Variants in EFCAB6 observed in about 807,000 individuals in gnomAD.
The protein encoded by EFCAB6 is EF-hand calcium binding domain 6, also known as EF-hand calcium-binding domain-containing protein 6.
EFCAB6 carries 156 observed loss-of-function variants against 169.8 expected under a neutral mutation model. The ratio of observed to expected loss-of-function variants is 0.92; its 90% CI spans 0.81 to 1.05. The LOEUF (loss-of-function observed/expected upper bound fraction) is 1.05, where lower values mean the gene tolerates loss of function less well. Among genes scored for constraint, EFCAB6 ranks in the 50% least tolerant of loss-of-function variants. The pLI is 0.00. For synonymous variants in EFCAB6, 698 were observed against 676.4 expected (o/e 1.03, Z -0.50); for missense variants, 1,800 against 1,829.1 (o/e 0.98, Z 0.29).
intron 1 of EFCAB6, among the ~76,000 whole-genome samples, chr22:43,809,443 T>C (rs960130510): frequency 1.3e-5 from 2 of 152,196 alleles, no homozygotes; most frequent in African/African-American, 2.4e-5. Context: ...GCAGGACTTG[T>C]AGAGTATATA....
chr22:43,769,259 G>A (rs1360816750), intron 4 of EFCAB6, among the ~76,000 whole-genome samples: 1 of 152,182 alleles, frequency 6.6e-6, no homozygotes. Context: ...TGACTCCATT[G>A]ATATGAAATA....
At chr22:43,658,237 TATAAA>T (rs538478994) in intron 17 of EFCAB6, among the ~76,000 whole-genome samples, 2 of 151,600 alleles carry the variant, frequency 1.3e-5, no homozygotes, top group Non-Finnish European at 2.9e-5. Flanking sequence ...GTCTCAAAAA[TATAAA>T]ATAAAATAAA....
At chr22:43,591,125 T>G (rs1426488999) in intron 23 of EFCAB6, among the ~76,000 whole-genome samples, 8 of 121,086 alleles carry the variant, frequency 6.6e-5, no homozygotes, top group African/African-American at 2.4e-4. Flanking sequence ...TTTTTTTTTG[T>G]TTTTTTTTTG....
intron 22 of EFCAB6, among the ~76,000 whole-genome samples, chr22:43,606,096 C>A (rs1273600667): frequency 1.3e-5 from 2 of 152,306 alleles, no homozygotes; most frequent in East Asian, 1.9e-4. Flanking sequence ...AGAGGAATTA[C>A]CAGCCCAAGA....
chr22:43,673,936 C>T (rs1247251740), intron 13 of EFCAB6, among the ~76,000 whole-genome samples: 2 of 150,078 alleles, frequency 1.3e-5, no homozygotes, highest in Non-Finnish European at 3.0e-5. Context: ...CACTGCACTC[C>T]AGCCTGGGTG....
chr22:43,723,725 A>G (rs552898635), intron 8 of EFCAB6, among the ~76,000 whole-genome samples: 84 of 152,336 alleles, frequency 5.5e-4, no homozygotes, highest in African/African-American at 1.9e-3. Context: ...GAGTTATGGC[A>G]TAAGCCACAT....
rs145231489 is a variant in EFCAB6, at chr22:43,572,231, C to A, written c.3420+4066G>T. On this transcript the variant is annotated intron_variant, in intron 26 of 31. Transcript: ENST00000262726. This position sits in a 1 kb window ranked among gnomAD's most constrained non-coding sequence, Gnocchi z 4.0. ...GAGGTGAAGGCAACTCTTTGTGATG[C>A]GAACTGGGCAGAACTAACCAATGTT... 1.8e-4 allele frequency among the ~76,000 whole-genome samples: 27 copies of A among 152,282 alleles called. No homozygotes were observed. The highest frequency in any genetic ancestry group is 2.1e-4 in the South Asian group (1 of 4,824).
chr22:43,686,568 A>T (rs1002354325), intron 11 of EFCAB6, among the ~76,000 whole-genome samples: 2 of 152,232 alleles, frequency 1.3e-5, no homozygotes, highest in African/African-American at 4.8e-5. Context: ...AAAATTAAAA[A>T]GAAACAGAAG....
At chr22:43,789,097 T>G (rs952343633) in intron 2 of EFCAB6, among the ~76,000 whole-genome samples, 1 of 152,096 alleles carries the variant, frequency 6.6e-6, no homozygotes, top group Admixed American at 6.6e-5. Context: ...GAAAATAGAT[T>G]GGCAGTTGCC....
Position 43,773,669 on chromosome 22 carries a change from G to A in EFCAB6, c.140-566C>T, listed in dbSNP as rs545888164. 3.9e-5 allele frequency among the ~76,000 whole-genome samples: 6 copies of A among 152,284 alleles called. No individual in the cohort carries two copies. In the East Asian group the frequency reaches 9.7e-4, roughly 25 times the overall value. On this transcript the variant is annotated intron_variant, in intron 3 of 31. Coordinates refer to ENST00000262726, the MANE Select transcript of EFCAB6 (RefSeq NM_022785.4). ...TCGAGACCAGCCTGGCCAACATGGCGAAACCCCATCTCTACTAAAAATACA... is the reference window on the plus strand; with the variant it reads ...TCGAGACCAGCCTGGCCAACATGGCAAAACCCCATCTCTACTAAAAATACA...
At chr22:43,655,562 C>A (rs1240454164) in intron 17 of EFCAB6, among the ~76,000 whole-genome samples, 16 of 144,016 alleles carry the variant, frequency 1.1e-4, no homozygotes, top group Non-Finnish European at 2.4e-4. Flanking sequence ...AAGAAGGCAA[C>A]AAAGGACAGA....
chr22:43,630,727 C>T (rs1024914352), intron 19 of EFCAB6, among the ~76,000 whole-genome samples: 1 of 152,192 alleles, frequency 6.6e-6, no homozygotes, highest in African/African-American at 2.4e-5. Context: ...TCCCACCCAG[C>T]TCGGCTCTCC....
chr22:43,541,450 C>A (rs905491243), intron 27 of EFCAB6, among the ~76,000 whole-genome samples: 3 of 152,212 alleles, frequency 2.0e-5, no homozygotes, highest in Non-Finnish European at 4.4e-5. Flanking sequence ...GAGGTCCCTG[C>A]ACCCTTCCTG....
intron 26 of EFCAB6, among the ~76,000 whole-genome samples, chr22:43,565,645 G>A (rs1379843541): frequency 6.6e-6 from 1 of 152,058 alleles, no homozygotes; most frequent in Non-Finnish European, 1.5e-5. Context: ...GCATATTAAT[G>A]TAATTATGAA....
intron 27 of EFCAB6, among the ~76,000 whole-genome samples, chr22:43,544,181 G>A (rs1414150160): frequency 1.3e-5 from 2 of 152,020 alleles, no homozygotes; most frequent in Non-Finnish European, 2.9e-5. Context: ...TGCTCTCTGT[G>A]GCAACCCCTC....
At chr22:43,738,228 A>G in intron 6 of EFCAB6, among the ~76,000 whole-genome samples, 1 of 151,374 alleles carries the variant, frequency 6.6e-6, no homozygotes, top group Non-Finnish European at 1.5e-5. Context: ...ATACTCACAC[A>G]TTCACACCAT....
chr22:43,599,612 G>A (rs894398930), intron 23 of EFCAB6, among the ~76,000 whole-genome samples: 4 of 148,960 alleles, frequency 2.7e-5, no homozygotes, highest in Middle Eastern at 3.6e-3. Context: ...TTATTTCTTC[G>A]GGATCAAGTC....
At chr22:43,683,198 G>A (rs925199466) in intron 12 of EFCAB6, among the ~76,000 whole-genome samples, 1 of 152,166 alleles carries the variant, frequency 6.6e-6, no homozygotes, top group Non-Finnish European at 1.5e-5. Context: ...CGTATCAAAA[G>A]GATCCAAATG....
chr22:43,649,146 G>A (rs1382695994), intron 17 of EFCAB6, among the ~76,000 whole-genome samples: 2 of 152,202 alleles, frequency 1.3e-5, no homozygotes, highest in African/African-American at 2.4e-5. Context: ...AGAAGGTGAG[G>A]GAGGAACTGG....
Sources: gnomAD v4.1 joint callset for allele counts (sites outside exome capture counted in the v4.1 genomes callset) on GRCh38, gnomAD v4.1.1 for gene constraint, Gnocchi (gnomAD v3.1) non-coding constraint, MANE v1.5 for transcripts, NCBI Gene and HGNC (gene_info 2026-07-23, HGNC 2026-07-21) for gene names.